TEX9: variants seen among roughly 807,000 people sequenced by gnomAD.
TEX9 encodes the protein testis-expressed protein 9.
In TEX9, 74 loss-of-function variants were observed where a neutral mutation model predicts 59.6. That is an observed-to-expected ratio of 1.24 (90% CI 1.03 to 1.51). TEX9 has a LOEUF of 1.51. TEX9 is among the 40% of genes most tolerant of loss of function. TEX9 has a pLI of 0.00. For synonymous variants in TEX9, 186 were observed against 152.2 expected, an observed-to-expected ratio of 1.22 and a Z score of -1.64; for missense variants, 522 against 447.8, an observed-to-expected ratio of 1.17 and a Z score of -1.49.
chr15:56,265,505 C>T (rs1309387659), intron 1 of TEX9, among the ~76,000 whole-genome samples: 1 of 152,052 alleles, frequency 6.6e-6, no homozygotes, highest in Non-Finnish European at 1.5e-5. Context: ...AATGCTAAAA[C>T]TTTCACTATG....
At chr15:56,392,521 A>T (rs957139406) in intron 7 of TEX9, among the ~76,000 whole-genome samples, 2 of 152,122 alleles carry the variant, frequency 1.3e-5, no homozygotes, top group African/African-American at 2.4e-5. Context: ...ACCAGGCCCC[A>T]CCTCCAACAC....
intron 12 of TEX9, among the ~76,000 whole-genome samples, chr15:56,437,906 A>G (rs1270017496): frequency 1.3e-5 from 2 of 152,166 alleles, no homozygotes; most frequent in African/African-American, 4.8e-5. Flanking sequence ...TCCAACTTAC[A>G]AGGGATGTGA....
chr15:56,253,052 G>A (rs2044064912), intron 1 of TEX9, among the ~76,000 whole-genome samples: 2 of 152,042 alleles, frequency 1.3e-5, no homozygotes, highest in South Asian at 2.1e-4. Context: ...AAAATGACAG[G>A]AGTCCTGAAA....
chr15:56,346,836 G>T (rs371174552), intron 1 of TEX9, among the ~76,000 whole-genome samples: 1 of 152,106 alleles, frequency 6.6e-6, no homozygotes, highest in African/African-American at 2.4e-5. Flanking sequence ...AAGATCCTAA[G>T]AAATCTACCG....
intron 1 of TEX9, among the ~76,000 whole-genome samples, chr15:56,270,667 T>C (rs1027331894): frequency 1.3e-5 from 2 of 152,212 alleles, no homozygotes; most frequent in Non-Finnish European, 2.9e-5. Flanking sequence ...GTGAATTTGA[T>C]CCTGTTATTA....
chr15:56,440,506 C>T (rs2050799288), intron 12 of TEX9, among the ~76,000 whole-genome samples: 1 of 152,082 alleles, frequency 6.6e-6, no homozygotes, highest in East Asian at 1.9e-4. Context: ...TATACAAAAA[C>T]CTTTACCTGA....
At chr15:56,434,862 T>G (rs948089441) in intron 12 of TEX9, among the ~76,000 whole-genome samples, 1 of 152,096 alleles carries the variant, frequency 6.6e-6, no homozygotes, top group Non-Finnish European at 1.5e-5. Context: ...ATTCCCTTCA[T>G]TCTCCAAAAT....
intron 2 of TEX9, among the ~76,000 whole-genome samples, chr15:56,370,145 ATGTCT>A (rs1479970831): frequency 1.3e-5 from 2 of 151,946 alleles, no homozygotes; most frequent in South Asian, 2.1e-4. Context: ...ATTTTCTATT[ATGTCT>A]TGTCTTTGGT....
At chr15:56,331,487 A>G (rs1354638580) in intron 1 of TEX9, among the ~76,000 whole-genome samples, 1 of 152,216 alleles carries the variant, frequency 6.6e-6, no homozygotes, top group Non-Finnish European at 1.5e-5. Flanking sequence ...ATCAGAAATC[A>G]ATAAGAGGAA....
intron 2 of TEX9, among the ~76,000 whole-genome samples, chr15:56,369,385 A>C (rs1160348274): frequency 2.0e-5 from 3 of 147,972 alleles, no homozygotes; most frequent in Admixed American, 1.4e-4. Flanking sequence ...ACAGGGTCTC[A>C]CCCTGTTGCC....
intron 1 of TEX9, among the ~76,000 whole-genome samples, chr15:56,311,259 C>A (rs1443679854): frequency 7.2e-6 from 1 of 138,870 alleles, no homozygotes; most frequent in Admixed American, 7.2e-5. Flanking sequence ...CGTCATCTAG[C>A]ATTAGGTATA....
chr15:56,331,251 C>G (rs2046133994), intron 1 of TEX9, among the ~76,000 whole-genome samples: 1 of 152,174 alleles, frequency 6.6e-6, no homozygotes, highest in Non-Finnish European at 1.5e-5. Context: ...ATCATCCAGA[C>G]AGAAAATCAG....
intron 10 of TEX9, among the ~76,000 whole-genome samples, chr15:56,427,135 T>A (rs1176978248): frequency 6.6e-6 from 1 of 152,112 alleles, no homozygotes; most frequent in African/African-American, 2.4e-5. Flanking sequence ...TTCTTACCTC[T>A]GTGAACCCAC....
intron 1 of TEX9, among the ~76,000 whole-genome samples, chr15:56,284,434 GAA>G (rs1163825738): frequency 2.6e-5 from 4 of 152,026 alleles, no homozygotes; most frequent in Admixed American, 2.0e-4. Context: ...TATCTGGAAA[GAA>G]TATTATATTA....
rs570703608 is a variant in TEX9 at position 56,388,340 on chromosome 15, T to C, written c.264-132T>C. 4.3e-4 allele frequency: 278 copies of C among 640,056 alleles called. 1 individual carries two copies. The Middle Eastern group carries it at 8.6e-3, about 20-fold the overall frequency. The allele number at this position is 640,056 out of a possible 1,614,324, so 39.6% of individuals were successfully genotyped here. A position where few individuals can be genotyped will look rare whatever the true frequency, so the allele number is the denominator to read the frequency against. On this transcript the variant is annotated intron_variant, in intron 4 of 12. Transcript: ENST00000352903. ...TACTCATTCAAAATAAATTAACATG[T>C]GGGTAACTAGAATTATAGCAAAGTC...
chr15:56,449,164 C>T (rs1245873082), downstream of TEX9, among the ~76,000 whole-genome samples: 1 of 151,914 alleles, frequency 6.6e-6, no homozygotes, highest in Non-Finnish European at 1.5e-5. Flanking sequence ...TTTTTCTTGC[C>T]CTATTGCACT....
At position 56,388,737 on chromosome 15, in the gene TEX9, G is replaced by GA. The variant is rs564094252; in HGVS notation, c.312+223dup. Among the ~76,000 whole-genome samples, 642 of 151,930 alleles carry GA rather than the reference G, an allele frequency of 4.2e-3. 1 individual carries two copies. The highest frequency in any genetic ancestry group is 6.8e-3 in the Non-Finnish European group (464 of 67,870). Reference sequence around the variant, plus strand: ...CACTGAATAATTTGGAGGTATAGTGGAAAAAATGTTAGGTGAAATGACTTT... The same window carrying GA: ...CACTGAATAATTTGGAGGTATAGTGGAAAAAAATGTTAGGTGAAATGACTTT... On this transcript the variant is annotated intron_variant, in intron 5 of 12. Coordinates refer to ENST00000352903, the Ensembl canonical transcript of TEX9.
intron 10 of TEX9, among the ~76,000 whole-genome samples, chr15:56,422,292 A>ACAG (rs1361330837): frequency 6.6e-6 from 1 of 151,790 alleles, no homozygotes; most frequent in Non-Finnish European, 1.5e-5. Context: ...ATCCAATCTG[A>ACAG]CAGTCTCTTT....
In TEX9 at chr15:56,333,780, A is replaced by G. The variant is rs534117614; in HGVS notation, c.-106-39661A>G. Among the ~76,000 whole-genome samples, 10 of 152,278 alleles carry G rather than the reference A, an allele frequency of 6.6e-5. No individual in the cohort carries two copies. The East Asian group carries it at 1.3e-3, about 21-fold the overall frequency. Reference sequence around the variant, plus strand: ...TGATCTTATATTTGGAAAAACATAAAGACTTAACCAAAAAGCTATTAGAAA... The same window carrying G: ...TGATCTTATATTTGGAAAAACATAAGGACTTAACCAAAAAGCTATTAGAAA... On this transcript the variant is annotated intron_variant, in intron 1 of 5. Transcript: ENST00000560827.
Sources: gnomAD v4.1 joint callset for allele counts (sites outside exome capture counted in the v4.1 genomes callset) on GRCh38, gnomAD v4.1.1 for gene constraint, MANE v1.5 for transcripts, NCBI Gene and HGNC (gene_info 2026-07-23, HGNC 2026-07-21) for gene names.